HS2ST1: variants seen among roughly 807,000 people sequenced by gnomAD.
HS2ST1 encodes 2-O-sulfotransferase.
HS2ST1 carries 18 observed loss-of-function variants against 42.9 expected under a neutral mutation model. The ratio of observed to expected loss-of-function variants is 0.42; its 90% CI spans 0.29 to 0.62. The LOEUF is 0.62. HS2ST1 is among the 20% of genes least tolerant of loss of function. The pLI is 0.21. For synonymous variants in HS2ST1, 146 were observed against 152.9 expected (o/e 0.95, Z 0.33); for missense variants, 334 against 433.8 (o/e 0.77, Z 2.04).
rs79004687 is a variant in HS2ST1, at chr1:86,922,409, G to T, written c.124+7249G>T. 3.6e-3 allele frequency among the ~76,000 whole-genome samples: 529 copies of T among 147,912 alleles called. 2 individuals are homozygous for T. Among genetic ancestry groups the T allele is most frequent in the African/African-American group, 0.013 (511 of 38,862 alleles). ...TGCTGACATATTTACCATTCCCAGTGTTCTTCATTTTGTGTGTGTGTGTGT... is the reference window on the plus strand; with the variant it reads ...TGCTGACATATTTACCATTCCCAGTTTTCTTCATTTTGTGTGTGTGTGTGT... On this transcript the variant is annotated intron_variant, in intron 1 of 6. Coordinates refer to ENST00000370550, the MANE Select transcript of HS2ST1 (RefSeq NM_012262.4).
rs769480914 is a variant in HS2ST1 at position 86,923,132 on chromosome 1, T to C, written c.124+7972T>C. Among the ~76,000 whole-genome samples the C allele has an allele frequency of 2.0e-5, 3 of 152,336 alleles. No homozygotes were observed. The East Asian group carries it at 5.8e-4, about 29-fold the overall frequency. On this transcript the variant is annotated intron_variant, in intron 1 of 6. Transcript: ENST00000370550. ...AATATTACCCAGTTTATTTTTTATC[T>C]CAGGCGTTGCCTCCCACTCCTCCCC...
intron 1 of HS2ST1, among the ~76,000 whole-genome samples, chr1:87,009,045 T>C (rs1017392622): frequency 1.3e-5 from 2 of 152,150 alleles, no homozygotes; most frequent in Non-Finnish European, 2.9e-5. Flanking sequence ...GATTTTACCA[T>C]GTTGTCCAAG....
intron 1 of HS2ST1, among the ~76,000 whole-genome samples, chr1:87,050,881 G>A (rs1052431598): frequency 1.3e-5 from 2 of 152,096 alleles, no homozygotes; most frequent in Admixed American, 1.3e-4. Context: ...TTAGTCAGGT[G>A]TGATATACCT....
chr1:86,918,132 G>A (rs1480726115), intron 1 of HS2ST1, among the ~76,000 whole-genome samples: 1 of 151,948 alleles, frequency 6.6e-6, no homozygotes, highest in Non-Finnish European at 1.5e-5. Flanking sequence ...TTGATGGTGA[G>A]ACTTCTAATA....
chr1:87,049,239 CCTT>C (rs1650773099), intron 1 of HS2ST1, among the ~76,000 whole-genome samples: 1 of 151,806 alleles, frequency 6.6e-6, no homozygotes, highest in African/African-American at 2.4e-5. Context: ...AGTATTCTCT[CCTT>C]TGTCATTTCT....
chr1:87,088,226 T>C (rs2040064), intron 3 of HS2ST1, among the ~76,000 whole-genome samples: 105,621 of 151,894 alleles, frequency 0.7, 38,986 homozygotes, highest in East Asian at 0.97. Flanking sequence ...ATTATTCTCT[T>C]TTGGAAGGTT....
intron 1 of HS2ST1, among the ~76,000 whole-genome samples, chr1:86,967,463 A>G (rs1017674443): frequency 2.6e-5 from 4 of 152,084 alleles, no homozygotes; most frequent in African/African-American, 9.6e-5. Context: ...TTCTCCCCCT[A>G]CTGAGTCTCC....
At chr1:87,013,587 A>T (rs1649665162) in intron 1 of HS2ST1, among the ~76,000 whole-genome samples, 1 of 152,210 alleles carries the variant, frequency 6.6e-6, no homozygotes, top group Non-Finnish European at 1.5e-5. Context: ...TTGGTGATTA[A>T]CATTTGGCTC....
intron 1 of HS2ST1, chr1:87,045,037 C>A (rs1036186984): frequency 2.3e-5 from 30 of 1,290,584 alleles, no homozygotes; most frequent in Admixed American, 6.8e-5. Flanking sequence ...CTTCTCTCTT[C>A]TTCACTGACG....
chr1:87,044,770 C>CT (rs1650604214), intron 1 of HS2ST1, among the ~76,000 whole-genome samples: 1 of 152,198 alleles, frequency 6.6e-6, no homozygotes, highest in African/African-American at 2.4e-5. Flanking sequence ...TGCAGTGTGT[C>CT]TAACAGTTCT....
At chr1:86,959,397 C>T (rs1458205129) in intron 1 of HS2ST1, among the ~76,000 whole-genome samples, 2 of 152,350 alleles carry the variant, frequency 1.3e-5, no homozygotes, top group South Asian at 2.1e-4. Context: ...GTGGCTCACG[C>T]CTGTAATCCC....
At chr1:86,953,093 C>T (rs1395417136) in intron 1 of HS2ST1, among the ~76,000 whole-genome samples, 1 of 152,238 alleles carries the variant, frequency 6.6e-6, no homozygotes, top group African/African-American at 2.4e-5. Context: ...GCTTCTGCAT[C>T]TGCACTTGTT....
At chr1:87,047,219 ATCT>A (rs1300427188) in intron 1 of HS2ST1, among the ~76,000 whole-genome samples, 1 of 152,078 alleles carries the variant, frequency 6.6e-6, no homozygotes, top group East Asian at 1.9e-4. Flanking sequence ...AACGTCTTTC[ATCT>A]TCTTATCTGC....
chr1:87,076,459 T>A (rs59809925), intron 2 of HS2ST1, among the ~76,000 whole-genome samples: 2,265 of 152,300 alleles, frequency 0.015, 67 homozygotes, highest in African/African-American at 0.052. Flanking sequence ...GTGAAGAGTA[T>A]AGAGATGTTC....
chr1:87,076,457 T>G (rs1570532412), intron 2 of HS2ST1, among the ~76,000 whole-genome samples: 1 of 152,008 alleles, frequency 6.6e-6, no homozygotes, highest in East Asian at 1.9e-4. Flanking sequence ...AGGTGAAGAG[T>G]ATAGAGATGT....
chr1:86,995,824 G>T (rs1649081688), intron 1 of HS2ST1, among the ~76,000 whole-genome samples: 1 of 152,082 alleles, frequency 6.6e-6, no homozygotes, highest in South Asian at 2.1e-4. Flanking sequence ...ACTAGTAAGT[G>T]CTATGCCAGA....
At chr1:86,976,471 C>T (rs1489192936) in intron 1 of HS2ST1, among the ~76,000 whole-genome samples, 2 of 151,814 alleles carry the variant, frequency 1.3e-5, no homozygotes, top group African/African-American at 4.8e-5. Context: ...TTTCAGAAAC[C>T]ATGGCTTTGG....
At chr1:87,003,366 A>G (rs1241302038) in intron 1 of HS2ST1, among the ~76,000 whole-genome samples, 1 of 152,230 alleles carries the variant, frequency 6.6e-6, no homozygotes, top group East Asian at 1.9e-4. Flanking sequence ...GCAGTTAACT[A>G]AAGCTAAAAA....
intron 1 of HS2ST1, among the ~76,000 whole-genome samples, chr1:86,930,530 T>C (rs139374602): frequency 2.7e-4 from 41 of 152,036 alleles, no homozygotes; most frequent in Non-Finnish European, 8.8e-5. Context: ...TAAGCATACG[T>C]TAGTCTGGGC....
Sources: allele counts gnomAD v4.1 joint callset (sites outside exome capture counted in the v4.1 genomes callset), GRCh38; gene constraint gnomAD v4.1.1; transcripts MANE v1.5; gene names NCBI Gene and HGNC (gene_info 2026-07-23, HGNC 2026-07-21).